The following CARMIL1 variants were observed in gnomAD, a reference collection of about 807,000 sequenced individuals.
The protein encoded by CARMIL1 is capping protein regulator and myosin 1 linker 1.
In CARMIL1, 90 loss-of-function variants were observed where a neutral mutation model predicts 177.1. The ratio of observed to expected loss-of-function variants is 0.51; its 90% CI spans 0.43 to 0.61. The LOEUF is 0.61. Ranked by LOEUF, CARMIL1 falls within the 20% of genes least tolerant of loss-of-function variation. The pLI, the probability that CARMIL1 is intolerant of heterozygous loss-of-function variation, is 0.00. For missense variants in CARMIL1, 1,380 were observed against 1,667.0 expected, an observed-to-expected ratio of 0.83 and a Z score of 3.00; for synonymous variants, 577 against 606.2, an observed-to-expected ratio of 0.95 and a Z score of 0.71.
intron 34 of CARMIL1, 80 bp from the exon 35 acceptor site, chr6:25,605,981 A>T: frequency 1.1e-6 from 1 of 878,054 alleles, no homozygotes; most frequent in Non-Finnish European, 1.8e-6. Context: ...AAATGATTAC[A>T]GCAGTTTGTA....
chr6:25,429,959 C>T (rs1046716896), intron 4 of CARMIL1, among the ~76,000 whole-genome samples: 5 of 151,816 alleles, frequency 3.3e-5, no homozygotes, highest in African/African-American at 1.2e-4. Flanking sequence ...GATTCTCTTG[C>T]CTCAGCCTCC....
At chr6:25,372,813 T>G (rs1790555377) in intron 2 of CARMIL1, among the ~76,000 whole-genome samples, 1 of 152,232 alleles carries the variant, frequency 6.6e-6, no homozygotes, top group South Asian at 2.1e-4. Flanking sequence ...GGCATCCTTG[T>G]CTTGTTCCAG....
chr6:25,560,450 TA>T (rs1811007441), intron 29 of CARMIL1, among the ~76,000 whole-genome samples: 1 of 151,572 alleles, frequency 6.6e-6, no homozygotes, highest in Admixed American at 6.6e-5. Flanking sequence ...TTAAATGGTT[TA>T]AAAAGCCTTC....
intron 2 of CARMIL1, among the ~76,000 whole-genome samples, chr6:25,338,348 G>A (rs998962620): frequency 1.2e-4 from 18 of 152,140 alleles, no homozygotes; most frequent in African/African-American, 7.2e-5. Flanking sequence ...TGTTACAGGC[G>A]TACAATGCTC....
Position 25,338,050 on chromosome 6 carries a change from G to A in CARMIL1, c.138+53141G>A, listed in dbSNP as rs572698968. 7.2e-5 allele frequency among the ~76,000 whole-genome samples: 11 copies of A among 151,910 alleles called. No homozygotes were observed. The East Asian group carries it at 2.1e-3, about 29-fold the overall frequency. On this transcript the variant is annotated intron_variant, in intron 2 of 36. Transcript: ENST00000329474. ...GGCGGGTGGACCACCTGAGGTCGGG[G>A]GTTCAAGACCAGCCTGGCCAACATG...
intron 29 of CARMIL1, among the ~76,000 whole-genome samples, chr6:25,570,312 T>C (rs1170038214): frequency 6.6e-6 from 1 of 152,240 alleles, no homozygotes; most frequent in African/African-American, 2.4e-5. Context: ...ATATACCTGA[T>C]CTTGTAGTAA....
intron 2 of CARMIL1, among the ~76,000 whole-genome samples, chr6:25,348,631 A>G (rs1056572887): frequency 1.3e-5 from 2 of 151,706 alleles, no homozygotes; most frequent in African/African-American, 4.8e-5. Context: ...AAAATACAAA[A>G]ATTAGCTGGG....
chr6:25,451,986 G>GTCCCCC, intron 8 of CARMIL1: 1 of 112,672 alleles, frequency 8.9e-6, no homozygotes, highest in South Asian at 7.1e-5. Flanking sequence ...CTAGCATCTT[G>GTCCCCC]CCCCCCCCTC....
intron 2 of CARMIL1, among the ~76,000 whole-genome samples, chr6:25,316,479 T>C (rs1942561974): frequency 6.6e-6 from 1 of 151,494 alleles, no homozygotes; most frequent in Admixed American, 6.6e-5. Context: ...GAGTGTGATC[T>C]CCACTCACCG....
chr6:25,297,442 A>G (rs1263641256), intron 2 of CARMIL1, among the ~76,000 whole-genome samples: 1 of 152,178 alleles, frequency 6.6e-6, no homozygotes, highest in East Asian at 1.9e-4. Context: ...TTTAAATAGC[A>G]CTTAACCCTC....
intron 2 of CARMIL1, among the ~76,000 whole-genome samples, chr6:25,384,811 G>C (rs1005831216): frequency 1.3e-5 from 2 of 152,124 alleles, no homozygotes; most frequent in African/African-American, 4.8e-5. Flanking sequence ...GCTAATAATA[G>C]AGTGTTTTGT....
At chr6:25,587,906 T>G (rs1813908162) in intron 31 of CARMIL1, among the ~76,000 whole-genome samples, 1 of 152,196 alleles carries the variant, frequency 6.6e-6, no homozygotes. Context: ...GGGGAAAACG[T>G]GTAGTGTACA....
chr6:25,515,326 A>G lies in CARMIL1; in HGVS notation c.1633-349A>G, dbSNP rs1360590674. ...CACCTTGTATAAAAATAAAATGGGTATAAAGGGTGATCATATTAAGCTGAG... is the reference window on the plus strand; with the variant it reads ...CACCTTGTATAAAAATAAAATGGGTGTAAAGGGTGATCATATTAAGCTGAG... On this transcript the variant is annotated intron_variant, in intron 20 of 36. Coordinates refer to ENST00000329474, the MANE Select transcript of CARMIL1 (RefSeq NM_017640.6). This position sits in a 1 kb window ranked among gnomAD's most constrained non-coding sequence, Gnocchi z 5.0. 6.6e-6 allele frequency among the ~76,000 whole-genome samples: 1 copy of G among 151,198 alleles called. No homozygotes were observed. Among genetic ancestry groups the G allele is most frequent in the Middle Eastern group, 3.4e-3 (1 of 294 alleles).
At chr6:25,603,440 G>A (rs559263599) in intron 33 of CARMIL1, among the ~76,000 whole-genome samples, 2 of 152,278 alleles carry the variant, frequency 1.3e-5, no homozygotes, top group African/African-American at 4.8e-5. Context: ...CTGCCACTTG[G>A]GTGCTTCCTT....
chr6:25,351,336 T>A (rs2150359570), intron 2 of CARMIL1, among the ~76,000 whole-genome samples: 1 of 152,350 alleles, frequency 6.6e-6, no homozygotes, highest in African/African-American at 2.4e-5. Flanking sequence ...TTCATCTTTT[T>A]AAAATATGTG....
rs1759598032 is a variant in CARMIL1, at chr6:25,619,768, A to C, written c.*185A>C. 2.7e-6 allele frequency: 1 copy of C among 373,478 alleles called. No homozygotes were observed. The highest frequency in any genetic ancestry group is 6.0e-5 in the South Asian group (1 of 16,724). The allele number at this position is 373,478 out of a possible 1,614,324, so 23.1% of individuals were successfully genotyped here. A position where few individuals can be genotyped will look rare whatever the true frequency, so the allele number is the denominator to read the frequency against. On this transcript the variant is annotated 3_prime_UTR_variant, in exon 37 of 37. Transcript: ENST00000329474. ...TTTTTTTTTTTTTTTTTTTGTATAGAAACAGATCCATTTCTTGGTAATCAA... is the reference window on the plus strand; with the variant it reads ...TTTTTTTTTTTTTTTTTTTGTATAGCAACAGATCCATTTCTTGGTAATCAA...
Position 25,450,337 on chromosome 6 carries a change from A to G in CARMIL1, c.470-2A>G. The stretch of plus-strand genomic sequence containing the variant: ...TGTCAGTGTTTTTGTTGTATGTTTC[A>G]GGTGGATTTTCTCAGATGTATGCCT... On this transcript the variant is annotated splice_acceptor_variant, in intron 6 of 36. Coordinates refer to ENST00000329474, the MANE Select transcript of CARMIL1 (RefSeq NM_017640.6). LOFTEE classifies it high-confidence loss of function. 1 of 1,611,746 alleles carries G rather than the reference A, an allele frequency of 6.2e-7. No individual in the cohort carries two copies. Among genetic ancestry groups the G allele is most frequent in the Non-Finnish European group, 8.5e-7 (1 of 1,178,050 alleles).
In CARMIL1 at chr6:25,485,917, G is replaced by A. The variant is rs1802603275; in HGVS notation, c.962-2565G>A. On this transcript the variant is annotated intron_variant, in intron 12 of 36. Coordinates refer to ENST00000329474, the MANE Select transcript of CARMIL1 (RefSeq NM_017640.6). The stretch of plus-strand genomic sequence containing the variant: ...AATTTGACTAGCATTTATATTCATG[G>A]CTCGATAACGCAAGACAGATTAAAA... Among the ~76,000 whole-genome samples the A allele has an allele frequency of 3.3e-5, 5 of 150,594 alleles. No homozygotes were observed. The South Asian group carries it at 1.0e-3, about 32-fold the overall frequency.
chr6:25,507,758 CTT>C (rs67835408), intron 17 of CARMIL1, among the ~76,000 whole-genome samples: 66,097 of 151,704 alleles, frequency 0.44, 14,728 homozygotes, highest in Middle Eastern at 0.52. Context: ...ATTGTGAAGA[CTT>C]AACGCATTTA....
Sources: allele counts gnomAD v4.1 joint callset (sites outside exome capture counted in the v4.1 genomes callset), GRCh38; gene constraint gnomAD v4.1.1; non-coding constraint Gnocchi (gnomAD v3.1); transcripts MANE v1.5; gene names NCBI Gene and HGNC (gene_info 2026-07-23, HGNC 2026-07-21).